LRMDA: variants seen among roughly 807,000 people sequenced by gnomAD.
LRMDA encodes leucine-rich melanocyte differentiation-associated protein.
A neutral mutation model predicts 29.8 loss-of-function variants in LRMDA; 18 were observed. The observed-to-expected ratio is 0.60, with a 90% confidence interval of 0.42 to 0.90. The LOEUF is 0.90. Ranked by LOEUF, LRMDA falls within the 40% of genes least tolerant of loss-of-function variation. The pLI, the probability that LRMDA is intolerant of heterozygous loss-of-function variation, is 0.00. For missense variants in LRMDA, 273 were observed against 273.9 expected, an observed-to-expected ratio of 1.00 and a Z score of 0.02; for synonymous variants, 125 against 109.4, an observed-to-expected ratio of 1.14 and a Z score of -0.89.
intron 2 of LRMDA, among the ~76,000 whole-genome samples, chr10:75,724,206 C>G (rs1231455806): frequency 6.6e-6 from 1 of 152,090 alleles, no homozygotes; most frequent in East Asian, 1.9e-4. Context: ...GGAGTATAAT[C>G]GTGCTGTGAG....
intron 6 of LRMDA, among the ~76,000 whole-genome samples, chr10:76,339,861 C>A (rs1841015896): frequency 6.6e-6 from 1 of 151,850 alleles, no homozygotes; most frequent in South Asian, 2.1e-4. Context: ...TAAAAATAAC[C>A]ATATAGCCCT....
intron 2 of LRMDA, among the ~76,000 whole-genome samples, chr10:75,679,086 CCTT>C (rs1319371933): frequency 6.6e-6 from 1 of 152,170 alleles, no homozygotes; most frequent in African/African-American, 2.4e-5. Flanking sequence ...GAGGTTCAGT[CCTT>C]CTGAAGCAAT....
chr10:75,701,494 T>C (rs1385251113), intron 2 of LRMDA, among the ~76,000 whole-genome samples: 1 of 152,244 alleles, frequency 6.6e-6, no homozygotes, highest in Non-Finnish European at 1.5e-5. Context: ...ATAAGCTACC[T>C]GGATTTGGAA....
intron 2 of LRMDA, among the ~76,000 whole-genome samples, chr10:75,710,589 TTGC>T (rs920176439): frequency 4.0e-5 from 6 of 151,542 alleles, no homozygotes; most frequent in Non-Finnish European, 7.4e-5. Context: ...AGGAGACTTT[TTGC>T]TGCTGCCTTT....
chr10:75,838,873 G>A (rs1353999559), intron 2 of LRMDA, among the ~76,000 whole-genome samples: 1 of 152,166 alleles, frequency 6.6e-6, no homozygotes, highest in African/African-American at 2.4e-5. Flanking sequence ...TCCAAGAGTG[G>A]TAGATGATCA....
At chr10:76,507,994 G>C (rs926071666) in intron 6 of LRMDA, among the ~76,000 whole-genome samples, 1 of 151,990 alleles carries the variant, frequency 6.6e-6, no homozygotes, top group Non-Finnish European at 1.5e-5. Context: ...TGACATTTTT[G>C]AAGAATACTA....
At position 75,817,437 on chromosome 10, in the gene LRMDA, G is replaced by C. The variant is rs146433229; in HGVS notation, c.132-218571G>C. Reference sequence around the variant, plus strand: ...CAGCAGATTAGACCACATGACCCTTGTTCTTTCCAACTCTGTGATTTTAAA... The same window carrying C: ...CAGCAGATTAGACCACATGACCCTTCTTCTTTCCAACTCTGTGATTTTAAA... On this transcript the variant is annotated intron_variant, in intron 2 of 6. Transcript: ENST00000611255. 4.2e-3 allele frequency among the ~76,000 whole-genome samples: 647 copies of C among 152,310 alleles called. 5 individuals are homozygous for C. The highest frequency in any genetic ancestry group is 0.017 in the Middle Eastern group (5 of 294).
At chr10:76,538,080 A>G (rs916218905) in intron 6 of LRMDA, among the ~76,000 whole-genome samples, 1 of 152,210 alleles carries the variant, frequency 6.6e-6, no homozygotes, top group East Asian at 1.9e-4. Flanking sequence ...TTCTTTGTAT[A>G]GTTGTACTAT....
chr10:75,625,861 A>ATT (rs879302679), intron 2 of LRMDA, among the ~76,000 whole-genome samples: 1 of 145,702 alleles, frequency 6.9e-6, no homozygotes, highest in African/African-American at 2.5e-5. Context: ...TGGAGAGAGT[A>ATT]TTTTTTTTTT....
chr10:75,910,826 T>C (rs1411355172), intron 2 of LRMDA, among the ~76,000 whole-genome samples: 1 of 152,180 alleles, frequency 6.6e-6, no homozygotes, highest in African/African-American at 2.4e-5. Flanking sequence ...AACTCAGCCA[T>C]AGGATACTTC....
At chr10:76,349,289 G>C (rs1841146120) in intron 6 of LRMDA, among the ~76,000 whole-genome samples, 1 of 152,112 alleles carries the variant, frequency 6.6e-6, no homozygotes, top group African/African-American at 2.4e-5. Flanking sequence ...TAGTGTGCAG[G>C]TAGTCATAGG....
chr10:76,137,786 A>C (rs558558818), intron 5 of LRMDA, among the ~76,000 whole-genome samples: 6 of 147,270 alleles, frequency 4.1e-5, no homozygotes, highest in African/African-American at 7.6e-5. Flanking sequence ...AAAAAAAAAA[A>C]CAAACAAAAA....
chr10:75,905,209 A>G (rs1446111066), intron 2 of LRMDA, among the ~76,000 whole-genome samples: 2 of 149,740 alleles, frequency 1.3e-5, no homozygotes, highest in Non-Finnish European at 3.0e-5. Flanking sequence ...CAGAAAATGC[A>G]TTAAACTTCC....
At chr10:75,754,771 A>AT (rs1422860391) in intron 2 of LRMDA, among the ~76,000 whole-genome samples, 1 of 150,594 alleles carries the variant, frequency 6.6e-6, no homozygotes, top group Non-Finnish European at 1.5e-5. Context: ...GCTAGCAGGA[A>AT]TTTTTTCTCT....
chr10:76,022,485 C>T (rs573784540), intron 2 of LRMDA, among the ~76,000 whole-genome samples: 1 of 152,334 alleles, frequency 6.6e-6, no homozygotes, highest in Admixed American at 6.5e-5. Flanking sequence ...CTATCTTGAT[C>T]TTGTCAATTG....
intron 5 of LRMDA, among the ~76,000 whole-genome samples, chr10:76,261,364 G>T (rs1008512488): frequency 6.6e-6 from 1 of 151,858 alleles, no homozygotes; most frequent in Non-Finnish European, 1.5e-5. Flanking sequence ...GAGCTACTGC[G>T]CCCGGCTGGC....
chr10:75,616,293 G>A (rs1841100139), intron 2 of LRMDA, among the ~76,000 whole-genome samples: 1 of 152,228 alleles, frequency 6.6e-6, no homozygotes, highest in Admixed American at 6.5e-5. Context: ...AGTAGTAGTA[G>A]TAGTGGTGGT....
intron 5 of LRMDA, among the ~76,000 whole-genome samples, chr10:76,084,291 G>A (rs1325396153): frequency 6.0e-5 from 9 of 151,018 alleles, no homozygotes; most frequent in Non-Finnish European, 1.2e-4. Context: ...TCTGCCTCCC[G>A]AGTTCAAGCA....
intron 2 of LRMDA, among the ~76,000 whole-genome samples, chr10:75,604,721 A>G (rs915166367): frequency 6.6e-6 from 1 of 152,190 alleles, no homozygotes; most frequent in Non-Finnish European, 1.5e-5. Flanking sequence ...CCAAAATACT[A>G]TGATTTTAAG....
Sources: gnomAD v4.1 joint callset for allele counts (sites outside exome capture counted in the v4.1 genomes callset) on GRCh38, gnomAD v4.1.1 for gene constraint, MANE v1.5 for transcripts, NCBI Gene and HGNC (gene_info 2026-07-23, HGNC 2026-07-21) for gene names.